Variants in CELSR1 observed in about 807,000 individuals in gnomAD.
CELSR1 encodes adhesion G protein-coupled receptor C1.
In CELSR1, 110 loss-of-function variants were observed where a neutral mutation model predicts 249.1. The ratio of observed to expected loss-of-function variants is 0.44; its 90% CI spans 0.38 to 0.52. The LOEUF is 0.52. Among genes scored for constraint, CELSR1 ranks in the 20% least tolerant of loss-of-function variants. CELSR1 has a pLI of 0.00. For missense variants in CELSR1, 4,109 were observed against 4,296.4 expected (o/e 0.96, Z 1.22); for synonymous variants, 2,113 against 1,900.0 (o/e 1.11, Z -2.92).
At chr22:46,376,355 A>G (rs114381459) in intron 24 of CELSR1, among the ~76,000 whole-genome samples, 2 of 152,294 alleles carry the variant, frequency 1.3e-5, no homozygotes, top group Admixed American at 6.5e-5. Context: ...TGAGAGGACT[A>G]TTTAGTCTTT....
chr22:46,502,881 C>T (rs900711342), intron 1 of CELSR1, among the ~76,000 whole-genome samples: 2 of 152,190 alleles, frequency 1.3e-5, no homozygotes, highest in African/African-American at 2.4e-5. Context: ...AGAGGTGGTA[C>T]AGCCACTGCT....
At chr22:46,478,739 A>G (rs2080236323) in intron 1 of CELSR1, among the ~76,000 whole-genome samples, 1 of 149,468 alleles carries the variant, frequency 6.7e-6, no homozygotes, top group African/African-American at 2.5e-5. Flanking sequence ...TTTTTAGTAG[A>G]GACGGGGTTT....
chr22:46,442,786 G>GC lies in CELSR1; in HGVS notation c.4184-3376dup, dbSNP rs771362477. 2.8e-4 allele frequency among the ~76,000 whole-genome samples: 42 copies of GC among 152,184 alleles called. 1 individual carries two copies. Among genetic ancestry groups the GC allele is most frequent in the Admixed American group, 9.2e-4 (14 of 15,278 alleles). On this transcript the variant is annotated intron_variant, in intron 2 of 34. Transcript: ENST00000674500. ...ATCTCCCACTCTTCATTACCAGGTT[G>GC]CAACACCTAAGAATGTGTAACTGGG...
chr22:46,454,080 T>G lies in CELSR1; in HGVS notation c.4183+9627A>C, dbSNP rs951927240. ...TGTGGCCCCAAAGTCATCACAAGGC[T>G]CCTTGTAAGCGGTGGGAGGGTGAGG... On this transcript the variant is annotated intron_variant, in intron 2 of 34. Coordinates refer to ENST00000674500, the MANE Select transcript of CELSR1 (RefSeq NM_001378328.1). This position sits in a 1 kb window ranked among gnomAD's most constrained non-coding sequence, Gnocchi z 5.1. Among the ~76,000 whole-genome samples the G allele has an allele frequency of 2.0e-5, 3 of 152,146 alleles. No individual in the cohort carries two copies. Among genetic ancestry groups the G allele is most frequent in the African/African-American group, 7.2e-5 (3 of 41,418 alleles).
At chr22:46,414,796 G>C (rs1481676905) in intron 5 of CELSR1, among the ~76,000 whole-genome samples, 2 of 152,190 alleles carry the variant, frequency 1.3e-5, no homozygotes, top group African/African-American at 4.8e-5. Context: ...GTACCCAAAA[G>C]AACTGAAAAC....
At position 46,367,857 on chromosome 22, in the gene CELSR1, T is replaced by G; in HGVS notation, c.7953-2A>C. 6.2e-7 allele frequency: 1 copy of G among 1,608,946 alleles called. No individual in the cohort carries two copies. The highest frequency in any genetic ancestry group is 8.5e-7 in the Non-Finnish European group (1 of 1,179,158). ...AGGAATGCGGTCCTCAGCAGGGAGC[T>G]GCGGGAGGGCAGGATCAGGCCTGTG... On this transcript the variant is annotated splice_acceptor_variant, in intron 27 of 34. Transcript: ENST00000674500. LOFTEE classifies it high-confidence loss of function.
chr22:46,398,153 C>T lies in CELSR1; in HGVS notation c.5527-305G>A, dbSNP rs138214155. Among the ~76,000 whole-genome samples the T allele has an allele frequency of 5.2e-4, 79 of 152,018 alleles. No individual in the cohort carries two copies. Among genetic ancestry groups the T allele is most frequent in the South Asian group, 1.2e-3 (6 of 4,822 alleles). On this transcript the variant is annotated intron_variant, in intron 11 of 34. Coordinates refer to ENST00000674500, the MANE Select transcript of CELSR1 (RefSeq NM_001378328.1). The surrounding 1 kb of genome is among the most constrained non-coding windows in gnomAD (Gnocchi z 7.2). The stretch of plus-strand genomic sequence containing the variant: ...GCTGAACGACTCAGAGCAGCTCCCT[C>T]GGCCGTAGCTGGAACCCCTGGCTCC...
In CELSR1 at chr22:46,473,728, G is replaced by A. The variant is rs1040009171; in HGVS notation, c.3545-9383C>T. On this transcript the variant is annotated intron_variant, in intron 1 of 34. Coordinates refer to ENST00000674500, the MANE Select transcript of CELSR1 (RefSeq NM_001378328.1). This position sits in a 1 kb window ranked among gnomAD's most constrained non-coding sequence, Gnocchi z 6.6. Reference sequence around the variant, plus strand: ...CTTCCCGAGGCCTTCACAGCAGGCAGGGAGGGCCCTGCTTGGTGGCTCCTG... The same window carrying A: ...CTTCCCGAGGCCTTCACAGCAGGCAAGGAGGGCCCTGCTTGGTGGCTCCTG... 1.3e-5 allele frequency among the ~76,000 whole-genome samples: 2 copies of A among 152,318 alleles called. No individual in the cohort carries two copies. Among genetic ancestry groups the A allele is most frequent in the South Asian group, 4.1e-4 (2 of 4,824 alleles).
Position 46,361,295 on chromosome 22 carries a change from T to C in CELSR1, c.*1928A>G, listed in dbSNP as rs1602012107. On this transcript the variant is annotated 3_prime_UTR_variant, in exon 35 of 35. Coordinates refer to ENST00000674500, the MANE Select transcript of CELSR1 (RefSeq NM_001378328.1). ...GTGTCTAATCTCTCCCATAAAGTCT[T>C]AAGTAATAAAAATAGGTTTACATTT... is the stretch of plus-strand genomic sequence containing the variant. 6.6e-6 allele frequency: 1 copy of C among 152,576 alleles called. No homozygotes were observed. 9.5% of individuals were successfully genotyped at this position (152,576 alleles called of 1,614,324 possible).
intron 2 of CELSR1, among the ~76,000 whole-genome samples, chr22:46,461,052 C>A (rs1466545258): frequency 6.6e-6 from 1 of 152,114 alleles, no homozygotes; most frequent in Non-Finnish European, 1.5e-5. Flanking sequence ...GCTCGGCTTA[C>A]CAGGGAGCAA....
chr22:46,382,252 C>T (rs565561360), intron 20 of CELSR1, among the ~76,000 whole-genome samples: 11 of 152,286 alleles, frequency 7.2e-5, no homozygotes, highest in East Asian at 3.9e-4. Context: ...GAACTGAAGG[C>T]GGGGACCCAG....
At chr22:46,489,996 G>A (rs2080352442) in intron 1 of CELSR1, among the ~76,000 whole-genome samples, 1 of 152,102 alleles carries the variant, frequency 6.6e-6, no homozygotes, top group Non-Finnish European at 1.5e-5. Context: ...TAGTGGGAAA[G>A]CGTCCTCCTG....
intron 1 of CELSR1, among the ~76,000 whole-genome samples, chr22:46,520,165 C>T (rs898130560): frequency 4.0e-5 from 6 of 151,856 alleles, no homozygotes; most frequent in Non-Finnish European, 5.9e-5. Flanking sequence ...TGAGCCACTG[C>T]GCCCAGCCCC....
chr22:46,525,892 C>T (rs778696523), intron 1 of CELSR1, among the ~76,000 whole-genome samples: 10 of 152,270 alleles, frequency 6.6e-5, no homozygotes, highest in Admixed American at 3.3e-4. Flanking sequence ...GGTTCTGGCA[C>T]GCCCAGCAAC....
rs1213253450 is a variant in CELSR1, at chr22:46,390,497, A to T, written c.6251-11T>A. 1.2e-6 allele frequency: 2 copies of T among 1,609,460 alleles called. No individual in the cohort carries two copies. The highest frequency in any genetic ancestry group is 1.7e-6 in the Non-Finnish European group (2 of 1,176,680). ...GTCGGACCGCATTTCCTGGGGAAGG[A>T]GAGCAGGTGTGCAAAGCCTGAAACT... On this transcript the variant is annotated splice_polypyrimidine_tract_variant and intron_variant, in intron 16 of 34. Coordinates refer to ENST00000674500, the MANE Select transcript of CELSR1 (RefSeq NM_001378328.1). The surrounding 1 kb of genome is among the most constrained non-coding windows in gnomAD (Gnocchi z 6.3).
rs1433029205 is a variant in CELSR1, at chr22:46,441,501, G to C, written c.4184-2090C>G. 1.3e-5 allele frequency among the ~76,000 whole-genome samples: 2 copies of C among 152,132 alleles called. No homozygotes were observed. The highest frequency in any genetic ancestry group is 2.9e-5 in the Non-Finnish European group (2 of 68,022). On this transcript the variant is annotated intron_variant, in intron 2 of 34. Coordinates refer to ENST00000674500, the MANE Select transcript of CELSR1 (RefSeq NM_001378328.1). The surrounding 1 kb of genome is among the most constrained non-coding windows in gnomAD (Gnocchi z 6.1). ...TGCCATAATGAAGCATGAGAGATCGGGGGCTTATACAACAGACACTTACTT... is the reference window on the plus strand; with the variant it reads ...TGCCATAATGAAGCATGAGAGATCGCGGGCTTATACAACAGACACTTACTT...
At chr22:46,405,568 A>G (rs2079257123) in intron 9 of CELSR1, among the ~76,000 whole-genome samples, 1 of 152,200 alleles carries the variant, frequency 6.6e-6, no homozygotes, top group African/African-American at 2.4e-5. Context: ...ATCTACAAAC[A>G]AAAGTGATAT....
At chr22:46,389,128 G>C (rs1055546877) in intron 18 of CELSR1, among the ~76,000 whole-genome samples, 162 bp downstream of exon 18, 20 of 152,218 alleles carry the variant, frequency 1.3e-4, no homozygotes, top group Non-Finnish European at 7.3e-5. Context: ...GTTTAGTCAG[G>C]CACTGCACCC....
At chr22:46,365,756 C>T (rs2078763034) in intron 30 of CELSR1, 67 bp from the exon 31 acceptor site, 1 of 1,263,992 alleles carries the variant, frequency 7.9e-7, no homozygotes, top group Non-Finnish European at 1.1e-6. Flanking sequence ...GGAAAGTTCT[C>T]TGGAAGATTC....
Sources: allele counts gnomAD v4.1 joint callset (sites outside exome capture counted in the v4.1 genomes callset), GRCh38; gene constraint gnomAD v4.1.1; non-coding constraint Gnocchi (gnomAD v3.1); transcripts MANE v1.5; gene names NCBI Gene and HGNC (gene_info 2026-07-23, HGNC 2026-07-21).